OXNAD1: variants seen among roughly 807,000 people sequenced by gnomAD.
OXNAD1 encodes oxidoreductase NAD binding domain containing 1.
Under a neutral mutation model 32.9 loss-of-function variants are expected in OXNAD1, and 34 were observed. That is an observed-to-expected ratio of 1.03 (90% CI 0.79 to 1.38). The LOEUF is 1.38. OXNAD1 is among the 40% of genes most tolerant of loss of function. The pLI is 0.00. For synonymous variants in OXNAD1, 134 were observed against 135.2 expected (o/e 0.99, Z 0.06); for missense variants, 407 against 379.4 (o/e 1.07, Z -0.60).
Position 16,317,164 on chromosome 3 carries a change from ACT to A in OXNAD1, c.*30+13573_*30+13574del, listed in dbSNP as rs756487946. The A allele has an allele frequency of 5.0e-6, 8 of 1,613,602 alleles. No homozygotes were observed. In the East Asian group the frequency reaches 1.8e-4, roughly 36 times the overall value. ...CTTCTGCTTGTTGTTTGTCTCTGGC[ACT>A]GAGTTTACCTTTTGATTTCCTCATC... On this transcript the variant is annotated intron_variant, in intron 9 of 9. Transcript: ENST00000435829. This position sits in a 1 kb window ranked among gnomAD's most constrained non-coding sequence, Gnocchi z 4.3.
rs1489806512 is a variant in OXNAD1 at position 16,335,916 on chromosome 3, C to T, written c.*31-1196C>T. ...CAGGACTCCGCAGGAGGGAAGTGGC[C>T]GACAGCAAGGACTGGTGGCAGCTGC... On this transcript the variant is annotated intron_variant, in intron 9 of 9. Transcript: ENST00000435829. This position sits in a 1 kb window ranked among gnomAD's most constrained non-coding sequence, Gnocchi z 4.7. Among the ~76,000 whole-genome samples, 1 of 152,170 alleles carries T rather than the reference C, an allele frequency of 6.6e-6. No homozygotes were observed. Among genetic ancestry groups the T allele is most frequent in the African/African-American group, 2.4e-5 (1 of 41,440 alleles).
chr3:16,350,490 C>A (rs1575093371), downstream of OXNAD1, among the ~76,000 whole-genome samples: 1 of 126,690 alleles, frequency 7.9e-6, no homozygotes, highest in East Asian at 2.4e-4. Flanking sequence ...TGAGATGAAT[C>A]ACTTTTTTTT....
chr3:16,323,590 G>C (rs2069331832), intron 9 of OXNAD1: 1 of 608,058 alleles, frequency 1.6e-6, no homozygotes, highest in Non-Finnish European at 2.9e-6. Flanking sequence ...AGAGACGCCT[G>C]CTCTACTCTT....
chr3:16,332,029 G>A (rs1187095701), intron 9 of OXNAD1, among the ~76,000 whole-genome samples: 1 of 152,042 alleles, frequency 6.6e-6, no homozygotes, highest in Non-Finnish European at 1.5e-5. Flanking sequence ...TGCTTTGAAA[G>A]TTTTTAGGAT....
At chr3:16,313,051 CTTTT>C (rs11325593) in intron 9 of OXNAD1, among the ~76,000 whole-genome samples, 4 of 145,350 alleles carry the variant, frequency 2.8e-5, no homozygotes, top group Non-Finnish European at 6.1e-5. Flanking sequence ...CAAGATCCAT[CTTTT>C]TTTTTTTTTT....
chr3:16,271,652 A>T lies in OXNAD1; in HGVS notation c.120-7A>T. ...ATGTAATAACCTAATTTTACTTTCT[A>T]TTAAAGCATAATGAAATCCAAAAGG... On this transcript the variant is annotated splice_polypyrimidine_tract_variant and splice_region_variant and intron_variant, in intron 3 of 8. Coordinates refer to ENST00000285083, the MANE Select transcript of OXNAD1 (RefSeq NM_138381.5). The surrounding 1 kb of genome is among the most constrained non-coding windows in gnomAD (Gnocchi z 4.6). 4 of 1,585,326 alleles carry T rather than the reference A, an allele frequency of 2.5e-6. No homozygotes were observed. The highest frequency in any genetic ancestry group is 2.3e-5 in the South Asian group (2 of 86,056).
chr3:16,292,175 G>C (rs1281853876), intron 5 of OXNAD1, among the ~76,000 whole-genome samples: 1 of 148,644 alleles, frequency 6.7e-6, no homozygotes, highest in African/African-American at 2.5e-5. Context: ...TTCCCATTAT[G>C]TAGATTGTCT....
intron 9 of OXNAD1, among the ~76,000 whole-genome samples, chr3:16,347,120 G>A (rs2071775029): frequency 6.6e-6 from 1 of 152,110 alleles, no homozygotes; most frequent in African/African-American, 2.4e-5. Context: ...AGGGCCAATT[G>A]TCCCAGTGTA....
In OXNAD1 at chr3:16,342,917, G is replaced by A. The variant is rs1054679496; in HGVS notation, c.*31-6259G>A. Among the ~76,000 whole-genome samples the A allele has an allele frequency of 2.0e-5, 3 of 152,168 alleles. No homozygotes were observed. Among genetic ancestry groups the A allele is most frequent in the African/African-American group, 4.8e-5 (2 of 41,426 alleles). The stretch of plus-strand genomic sequence containing the variant: ...CTTTGAGTCTCGATCTCAGCTCACT[G>A]CAGCCTCAACCTCCCAGGCTCAAGT... On this transcript the variant is annotated intron_variant, in intron 9 of 9. Transcript: ENST00000606098. The surrounding 1 kb of genome is among the most constrained non-coding windows in gnomAD (Gnocchi z 4.0).
rs1559843974 is a variant in OXNAD1, at chr3:16,345,855, T to TGTGTGTGC, written c.*31-3321_*31-3320insGTGTGTGC. Among the ~76,000 whole-genome samples, 114 of 61,738 alleles carry TGTGTGTGC rather than the reference T, an allele frequency of 1.8e-3. 2 individuals are homozygous for TGTGTGTGC. Among genetic ancestry groups the TGTGTGTGC allele is most frequent in the Admixed American group, 3.4e-3 (24 of 7,026 alleles). 40.5% of individuals were successfully genotyped at this position (61,738 alleles called of 152,430 possible). On this transcript the variant is annotated intron_variant, in intron 9 of 9. Coordinates refer to the OXNAD1 transcript ENST00000606098. This position sits in a 1 kb window ranked among gnomAD's most constrained non-coding sequence, Gnocchi z 5.2. ...GCGCGCACGCGCACATGTGCATGTG[T>TGTGTGTGC]ATGTGTATAATCTCCTACTGGTTCT...
Position 16,329,909 on chromosome 3 carries a change from C to T in OXNAD1, c.*31-7203C>T, listed in dbSNP as rs2125240078. Among the ~76,000 whole-genome samples the T allele has an allele frequency of 6.6e-6, 1 of 152,262 alleles. No homozygotes were observed. Among genetic ancestry groups the T allele is most frequent in the South Asian group, 2.1e-4 (1 of 4,818 alleles). ...TCTCGGGCCAGGTTTTCTCTGCGGG[C>T]ACCCAGAGCTGCGAGACAATGAACG... On this transcript the variant is annotated intron_variant, in intron 9 of 9. Coordinates refer to the OXNAD1 transcript ENST00000435829. The surrounding 1 kb of genome is among the most constrained non-coding windows in gnomAD (Gnocchi z 4.5).
At position 16,277,269 on chromosome 3, in the gene OXNAD1, T is replaced by G. The variant is rs1213870846; in HGVS notation, c.183+5547T>G. Among the ~76,000 whole-genome samples, 1 of 152,088 alleles carries G rather than the reference T, an allele frequency of 6.6e-6. No homozygotes were observed. The highest frequency in any genetic ancestry group is 1.5e-5 in the Non-Finnish European group (1 of 68,006). Reference sequence around the variant, plus strand: ...ATTTCCCCTCTTCTCCCATACAGAATGAGAACTGCGAAGAGTTGGGAGGAA... The same window carrying G: ...ATTTCCCCTCTTCTCCCATACAGAAGGAGAACTGCGAAGAGTTGGGAGGAA... On this transcript the variant is annotated intron_variant, in intron 4 of 8. Transcript: ENST00000285083. This position sits in a 1 kb window ranked among gnomAD's most constrained non-coding sequence, Gnocchi z 4.3.
In OXNAD1 at chr3:16,290,478, TC is replaced by T. The variant is rs1304056586; in HGVS notation, c.290+4031del. The stretch of plus-strand genomic sequence containing the variant: ...TTTCATTCAACTGAGAGAATGGCCT[TC>T]ATCAGCATTGAGCAGCAGAGGGCAC... On this transcript the variant is annotated intron_variant, in intron 5 of 8. Coordinates refer to ENST00000285083, the MANE Select transcript of OXNAD1 (RefSeq NM_138381.5). The surrounding 1 kb of genome is among the most constrained non-coding windows in gnomAD (Gnocchi z 4.2). Among the ~76,000 whole-genome samples, 1 of 152,166 alleles carries T rather than the reference TC, an allele frequency of 6.6e-6. No individual in the cohort carries two copies. Among genetic ancestry groups the T allele is most frequent in the Non-Finnish European group, 1.5e-5 (1 of 68,032 alleles).
rs368712393 is a variant in OXNAD1 at position 16,323,406 on chromosome 3, T to C, written c.*31-13706T>C. On this transcript the variant is annotated intron_variant, in intron 9 of 9. Transcript: ENST00000435829. ...ATTCCTTCTTCTTGATTTTCTGAGGTAGACAAGGTCTCTGAAGAAAGACAA... is the reference window on the plus strand; with the variant it reads ...ATTCCTTCTTCTTGATTTTCTGAGGCAGACAAGGTCTCTGAAGAAAGACAA... 6 of 1,611,536 alleles carry C rather than the reference T, an allele frequency of 3.7e-6. No individual in the cohort carries two copies. The African/African-American group carries it at 8.0e-5, about 22-fold the overall frequency.
chr3:16,341,260 A>C (rs1295969346), downstream of OXNAD1, among the ~76,000 whole-genome samples: 1 of 152,190 alleles, frequency 6.6e-6, no homozygotes, highest in Non-Finnish European at 1.5e-5. This position sits in a 1 kb window ranked among gnomAD's most constrained non-coding sequence, Gnocchi z 4.7. Context: ...TTCTTACAAA[A>C]CTAGACATAC....
chr3:16,270,987 T>TG lies in OXNAD1; in HGVS notation c.36dup (p.Arg13AlafsTer10). On this transcript the variant is annotated frameshift_variant, in exon 3 of 9. Transcript: ENST00000285083. LOFTEE classifies it high-confidence loss of function. ...GCTGCTGTTATGATTCCTGGGTTGT[T>TG]GCGGTGCTCTGTTGGAGCCATCCGT... is the stretch of plus-strand genomic sequence containing the variant. 1.9e-6 allele frequency: 3 copies of TG among 1,614,202 alleles called. No individual in the cohort carries two copies. The highest frequency in any genetic ancestry group is 2.7e-5 in the African/African-American group (2 of 75,054).
rs1660437053 is a variant in OXNAD1, at chr3:16,334,634, C to G, written c.*31-2478C>G. 6.6e-6 allele frequency among the ~76,000 whole-genome samples: 1 copy of G among 152,148 alleles called. No individual in the cohort carries two copies. The highest frequency in any genetic ancestry group is 6.5e-5 in the Admixed American group (1 of 15,280). On this transcript the variant is annotated intron_variant, in intron 9 of 9. Transcript: ENST00000435829. The surrounding 1 kb of genome is among the most constrained non-coding windows in gnomAD (Gnocchi z 4.3). ...GAGGGACAATGAGAGGGAATGAATT[C>G]TATTCTAGACACCCTGAGTTTGAGG...
chr3:16,272,291 G>A (rs1256466918), intron 4 of OXNAD1: 1 of 345,612 alleles, frequency 2.9e-6, no homozygotes, highest in African/African-American at 2.2e-5. Context: ...GTCAAGGGCT[G>A]AGAAATAAAG....
At chr3:16,269,448 A>G (rs899729619) in intron 2 of OXNAD1, among the ~76,000 whole-genome samples, 173 bp downstream of exon 2, 1 of 152,266 alleles carries the variant, frequency 6.6e-6, no homozygotes, top group African/African-American at 2.4e-5. Flanking sequence ...TGATGCTGCA[A>G]CATACTATGA....
Sources: gnomAD v4.1 joint callset for allele counts (sites outside exome capture counted in the v4.1 genomes callset) on GRCh38, gnomAD v4.1.1 for gene constraint, Gnocchi (gnomAD v3.1) non-coding constraint, MANE v1.5 for transcripts, NCBI Gene and HGNC (gene_info 2026-07-23, HGNC 2026-07-21) for gene names.